Variants in ROBO1 observed in about 807,000 individuals in gnomAD.
ROBO1 encodes roundabout homolog 1.
In ROBO1, 149 loss-of-function variants were observed where a neutral mutation model predicts 195.9. The ratio of observed to expected loss-of-function variants is 0.76; its 90% CI spans 0.67 to 0.87. The LOEUF is 0.87. ROBO1 is among the 40% of genes least tolerant of loss of function. ROBO1 has a pLI of 0.00. For synonymous variants in ROBO1, 816 were observed against 733.2 expected (o/e 1.11, Z -1.82); for missense variants, 1,933 against 2,068.3 (o/e 0.93, Z 1.27).
chr3:79,047,627 G>T (rs2078618996), intron 3 of ROBO1, among the ~76,000 whole-genome samples: 1 of 152,010 alleles, frequency 6.6e-6, no homozygotes, highest in African/African-American at 2.4e-5. Flanking sequence ...TACGTTTTGG[G>T]GTAATTTGTT....
At chr3:79,121,392 T>C (rs1165521184) in intron 3 of ROBO1, among the ~76,000 whole-genome samples, 1 of 152,112 alleles carries the variant, frequency 6.6e-6, no homozygotes, top group Non-Finnish European at 1.5e-5. Context: ...GATTCAAGTT[T>C]ATATGGGCAA....
chr3:79,259,714 A>G (rs2082905006), intron 2 of ROBO1, among the ~76,000 whole-genome samples: 1 of 152,010 alleles, frequency 6.6e-6, no homozygotes, highest in Admixed American at 6.6e-5. Flanking sequence ...AGCTCAAACA[A>G]CTCTATAAGA....
chr3:79,613,031 A>G (rs747783117), intron 1 of ROBO1, among the ~76,000 whole-genome samples: 82 of 151,946 alleles, frequency 5.4e-4, no homozygotes, highest in Non-Finnish European at 9.1e-4. Flanking sequence ...ATTAGATAAT[A>G]ATTGACATAA....
intron 1 of ROBO1, among the ~76,000 whole-genome samples, chr3:79,603,789 A>G (rs748436249): frequency 1.9e-4 from 29 of 152,022 alleles, no homozygotes; most frequent in Non-Finnish European, 8.8e-5. Context: ...TTTTATGTCA[A>G]TGAATAAGAT....
chr3:79,175,668 G>A (rs1347152656), intron 2 of ROBO1, among the ~76,000 whole-genome samples: 2 of 152,142 alleles, frequency 1.3e-5, no homozygotes, highest in Non-Finnish European at 2.9e-5. Context: ...TGTGGCTTTT[G>A]TCTTTCTTCC....
At chr3:79,698,066 G>A (rs1429560383) in intron 1 of ROBO1, among the ~76,000 whole-genome samples, 1 of 151,296 alleles carries the variant, frequency 6.6e-6, no homozygotes, top group Non-Finnish European at 1.5e-5. Flanking sequence ...AAAATTAGGA[G>A]CCACTTGAAT....
chr3:79,460,404 T>C (rs1937591721), intron 2 of ROBO1, among the ~76,000 whole-genome samples: 1 of 152,222 alleles, frequency 6.6e-6, no homozygotes, highest in Non-Finnish European at 1.5e-5. Context: ...AAGTTGAATA[T>C]ATTTTAAGTA....
chr3:78,947,112 A>G (rs919552354), intron 3 of ROBO1, among the ~76,000 whole-genome samples: 12 of 147,752 alleles, frequency 8.1e-5, no homozygotes, highest in African/African-American at 2.9e-4. Flanking sequence ...TAGACAGATC[A>G]ACAAGACAGA....
intron 10 of ROBO1, among the ~76,000 whole-genome samples, chr3:78,673,682 T>C (rs1708232145): frequency 6.9e-6 from 1 of 144,252 alleles, no homozygotes; most frequent in Non-Finnish European, 1.5e-5. Context: ...TCAAAACCCG[T>C]CCAAAATAAG....
At chr3:78,733,256 G>A (rs913095968) in intron 5 of ROBO1, among the ~76,000 whole-genome samples, 2 of 152,220 alleles carry the variant, frequency 1.3e-5, no homozygotes, top group East Asian at 1.9e-4. Flanking sequence ...TCAATCCCCT[G>A]TAAAGTGATC....
intron 2 of ROBO1, among the ~76,000 whole-genome samples, chr3:79,434,791 T>C (rs531717188): frequency 1.1e-4 from 17 of 152,222 alleles, no homozygotes; most frequent in African/African-American, 4.1e-4. Flanking sequence ...CTATTCACAA[T>C]AGCAAAGACT....
chr3:79,649,140 A>AT (rs1334660611), intron 1 of ROBO1, among the ~76,000 whole-genome samples: 2 of 152,078 alleles, frequency 1.3e-5, no homozygotes, highest in Middle Eastern at 3.4e-3. Context: ...AGTCCCTAGT[A>AT]TTTTTTTAAA....
chr3:78,992,285 C>T (rs766045780), intron 3 of ROBO1, among the ~76,000 whole-genome samples: 44 of 149,296 alleles, frequency 2.9e-4, no homozygotes, highest in Non-Finnish European at 1.0e-4. Flanking sequence ...GCTAAGCCAA[C>T]CTCCACATGT....
intron 1 of ROBO1, among the ~76,000 whole-genome samples, chr3:79,618,089 T>TA: frequency 6.6e-6 from 1 of 151,778 alleles, no homozygotes; most frequent in African/African-American, 2.4e-5. Context: ...AAAAAGAATT[T>TA]TTAAAAAATG....
At chr3:79,491,569 T>A (rs1013727581) in intron 2 of ROBO1, among the ~76,000 whole-genome samples, 5 of 152,290 alleles carry the variant, frequency 3.3e-5, no homozygotes, top group African/African-American at 1.2e-4. Context: ...ATAAAATCTT[T>A]GAGAGCAAAG....
At chr3:79,339,742 G>T (rs1355192438) in intron 2 of ROBO1, among the ~76,000 whole-genome samples, 6 of 152,128 alleles carry the variant, frequency 3.9e-5, no homozygotes, top group African/African-American at 1.4e-4. Context: ...TTTTGTCTGT[G>T]TACTGCCATT....
intron 3 of ROBO1, among the ~76,000 whole-genome samples, chr3:79,043,557 T>TA (rs907383962): frequency 5.3e-5 from 8 of 151,944 alleles, no homozygotes; most frequent in Non-Finnish European, 7.4e-5. Flanking sequence ...GATTTTTTTT[T>TA]AAAAAAACTC....
chr3:79,753,037 G>A (rs1243666162), intron 1 of ROBO1, among the ~76,000 whole-genome samples: 2 of 152,178 alleles, frequency 1.3e-5, no homozygotes, highest in East Asian at 1.9e-4. Context: ...GGGAATGAGG[G>A]CAGACAAATG....
chr3:78,623,317 G>C (rs73850733), intron 26 of ROBO1, among the ~76,000 whole-genome samples: 2,999 of 152,270 alleles, frequency 0.02, 94 homozygotes, highest in African/African-American at 0.064. Flanking sequence ...ATAGGTGTTA[G>C]CTCCAAAAGG....
Sources: allele counts gnomAD v4.1 joint callset (sites outside exome capture counted in the v4.1 genomes callset), GRCh38; gene constraint gnomAD v4.1.1; transcripts MANE v1.5; gene names NCBI Gene and HGNC (gene_info 2026-07-23, HGNC 2026-07-21).